The following HIVEP3 variants were observed in gnomAD, a reference collection of about 807,000 sequenced individuals.
HIVEP3 encodes transcription factor HIVEP3.
Under a neutral mutation model 152.8 loss-of-function variants are expected in HIVEP3, and 49 were observed. The ratio of observed to expected loss-of-function variants is 0.32; its 90% CI spans 0.26 to 0.41. HIVEP3 has a LOEUF of 0.41. Among genes scored for constraint, HIVEP3 ranks in the 10% least tolerant of loss-of-function variants. The pLI is 1.00. For synonymous variants in HIVEP3, 1,269 were observed against 1,289.0 expected (o/e 0.98, Z 0.33); for missense variants, 2,790 against 3,103.3 (o/e 0.90, Z 2.40).
Position 41,582,718 on chromosome 1 carries a change from G to A in HIVEP3, c.2080C>T (p.Pro694Ser). The change falls in exon 4 of 9, where the codon CCG (proline) becomes TCG (serine). Residue 694 changes from proline (P) to serine (S), a missense_variant. By Grantham distance (74) the Pro-to-Ser change is moderately conservative. Coordinates refer to ENST00000372583, the MANE Select transcript of HIVEP3 (RefSeq NM_024503.5). The surrounding 1 kb of genome is among the most constrained non-coding windows in gnomAD (Gnocchi z 4.7). The stretch of plus-strand genomic sequence containing the variant: ...TTGTAATGCATCATTTGGGACCACG[G>A]CTCATGCTCAATCTGACTCTTTTCA... ...EAEKSQIEHE[P>S]WSQMMHYKLG... is the part of the protein sequence containing the mutation. 5 of 1,614,180 alleles carry A rather than the reference G, an allele frequency of 3.1e-6. No homozygotes were observed. The highest frequency in any genetic ancestry group is 4.2e-6 in the Non-Finnish European group (5 of 1,180,022).
Position 41,513,204 on chromosome 1 carries a change from G to A in HIVEP3, c.6017C>T (p.Ser2006Leu), listed in dbSNP as rs1383981325. ...GTGCAGGCCAGGTGGGCTTGGGGCT[G>A]AGGCCTGTGGTTCTCGGGCCGGGGA... ...RCSPAREPQA[S>L]APSPPGLHVD... is the part of the protein sequence containing the mutation. The change falls in exon 8 of 9, where the codon TCA becomes TTA. Residue 2006 changes from serine (S) to leucine (L), a missense_variant. Ser to Leu is a moderately radical substitution (Grantham distance 145, BLOSUM62 -2). Coordinates refer to ENST00000372583, the MANE Select transcript of HIVEP3 (RefSeq NM_024503.5). The A allele has an allele frequency of 1.9e-6, 3 of 1,613,682 alleles. No individual in the cohort carries two copies. The African/African-American group carries it at 4.0e-5, about 22-fold the overall frequency.
intron 1 of HIVEP3, among the ~76,000 whole-genome samples, chr1:41,788,238 T>A (rs1391867604): frequency 6.6e-6 from 1 of 152,090 alleles, no homozygotes; most frequent in African/African-American, 2.4e-5. Flanking sequence ...TGCCTCAGTG[T>A]GAGGCAGTGC....
At chr1:41,922,278 T>C (rs2124475687), upstream of HIVEP3, among the ~76,000 whole-genome samples, 1 of 152,340 alleles carries the variant, frequency 6.6e-6, no homozygotes, top group South Asian at 2.1e-4. Flanking sequence ...ATCAGACTAA[T>C]ACCATACTTC....
chr1:41,617,960 G>A (rs1644992800), intron 3 of HIVEP3, among the ~76,000 whole-genome samples: 1 of 152,166 alleles, frequency 6.6e-6, no homozygotes, highest in Non-Finnish European at 1.5e-5. Context: ...TGGGTGTGTG[G>A]CAGCATTTCC....
chr1:41,700,891 C>A, intron 2 of HIVEP3, 25 bp downstream of exon 2: 6 of 960,544 alleles, frequency 6.2e-6, no homozygotes, highest in Non-Finnish European at 7.4e-6. Flanking sequence ...TGCCCTGTGT[C>A]CTGTGGGGGA....
chr1:41,877,281 TCCAATAGGGCCAGTCC>T (rs1193911562), intron 1 of HIVEP3, among the ~76,000 whole-genome samples: 3 of 152,132 alleles, frequency 2.0e-5, no homozygotes, highest in Non-Finnish European at 4.4e-5. Context: ...AGAACACATG[TCCAATAGGGCCAGTCC>T]CCACTCAGGC....
Position 41,997,695 on chromosome 1 carries a change from CAG to C in HIVEP3, n.119+38110_119+38111del, listed in dbSNP as rs762498909. Among the ~76,000 whole-genome samples, 5 of 152,232 alleles carry C rather than the reference CAG, an allele frequency of 3.3e-5. No homozygotes were observed. In the East Asian group the frequency reaches 9.6e-4, roughly 29 times the overall value. On this transcript the variant is annotated intron_variant and non_coding_transcript_variant, in intron 1 of 3. Transcript: ENST00000489103. ...CACCATATAACATGAAGAAAGAAAA[CAG>C]AGAAGATGTGAAAATTACATCCAAC... is the stretch of plus-strand genomic sequence containing the variant.
At chr1:41,619,410 T>C (rs939436957) in intron 3 of HIVEP3, among the ~76,000 whole-genome samples, 1 of 152,372 alleles carries the variant, frequency 6.6e-6, no homozygotes, top group Non-Finnish European at 1.5e-5. Context: ...CATACACTTA[T>C]GTTTTTAAGA....
chr1:41,643,628 T>C (rs1645411436), intron 2 of HIVEP3, among the ~76,000 whole-genome samples: 1 of 152,314 alleles, frequency 6.6e-6, no homozygotes, highest in South Asian at 2.1e-4. Flanking sequence ...CCCAGGGCAC[T>C]TGACATCCCT....
rs1347780794 is a variant in HIVEP3 at position 41,512,938 on chromosome 1, C to T, written c.6283G>A (p.Gly2095Ser). The T allele has an allele frequency of 6.2e-7, 1 of 1,603,398 alleles. No homozygotes were observed. The highest frequency in any genetic ancestry group is 1.3e-5 in the African/African-American group (1 of 74,650). The change falls in exon 8 of 9, where the codon GGC becomes AGC. Residue 2095 changes from glycine (G) to serine (S), a missense_variant. Transcript: ENST00000372583. ...CCATGCTCCCCCGCTGAGGGGCTGC[C>T]CGGCCCAGCCAAGGCCCACTTCCCT... Reference protein sequence around the residue: ...PPGKWALAGPGSPSAGEHGPG... With the variant: ...PPGKWALAGPSSPSAGEHGPG...
intron 1 of HIVEP3, among the ~76,000 whole-genome samples, chr1:41,960,973 T>C (rs1645166449): frequency 6.6e-6 from 1 of 152,172 alleles, no homozygotes. Context: ...CCATGTCTCT[T>C]CCCCATGAAA....
chr1:41,677,132 C>T (rs1645969770), intron 2 of HIVEP3, among the ~76,000 whole-genome samples: 1 of 152,158 alleles, frequency 6.6e-6, no homozygotes, highest in Non-Finnish European at 1.5e-5. Context: ...TGCCTGAGCT[C>T]CACCACCTAC....
At chr1:41,605,353 T>C (rs1209714840) in intron 3 of HIVEP3, among the ~76,000 whole-genome samples, 1 of 146,588 alleles carries the variant, frequency 6.8e-6, no homozygotes, top group East Asian at 2.0e-4. Context: ...TACATAGATA[T>C]TACATACACA....
At chr1:41,562,321 T>G (rs1030115912) in intron 5 of HIVEP3, among the ~76,000 whole-genome samples, 1 of 152,166 alleles carries the variant, frequency 6.6e-6, no homozygotes, top group Non-Finnish European at 1.5e-5. Flanking sequence ...TTCAGGGAAG[T>G]GCCAATAGGC....
chr1:42,026,750 C>T (rs903639737), intron 1 of HIVEP3, among the ~76,000 whole-genome samples: 15 of 152,256 alleles, frequency 9.9e-5, no homozygotes, highest in African/African-American at 3.1e-4. Context: ...TTTACATAAC[C>T]ACTCTTCTTT....
chr1:41,728,088 G>A (rs1646784456), intron 1 of HIVEP3, among the ~76,000 whole-genome samples: 1 of 152,178 alleles, frequency 6.6e-6, no homozygotes, highest in Non-Finnish European at 1.5e-5. Context: ...CCTAGGCTTT[G>A]TCAGGCCTGG....
intron 5 of HIVEP3, among the ~76,000 whole-genome samples, chr1:41,551,123 A>T (rs1643889151): frequency 1.3e-5 from 2 of 152,196 alleles, no homozygotes; most frequent in African/African-American, 4.8e-5. Context: ...TTCTGCATCT[A>T]TTGAGATAAT....
intron 3 of HIVEP3, among the ~76,000 whole-genome samples, chr1:41,607,036 G>A (rs1468185556): frequency 6.6e-6 from 1 of 151,720 alleles, no homozygotes; most frequent in Non-Finnish European, 1.5e-5. Flanking sequence ...ATTGCTCAGT[G>A]TGGTCTTGAA....
intron 1 of HIVEP3, among the ~76,000 whole-genome samples, chr1:41,747,714 A>G (rs965455733): frequency 7.2e-5 from 11 of 152,324 alleles, no homozygotes; most frequent in Non-Finnish European, 1.3e-4. Context: ...CTATGTCACC[A>G]TCTTTAATAG....
Sources: allele counts gnomAD v4.1 joint callset (sites outside exome capture counted in the v4.1 genomes callset), GRCh38; gene constraint gnomAD v4.1.1; non-coding constraint Gnocchi (gnomAD v3.1); transcripts MANE v1.5; gene names NCBI Gene and HGNC (gene_info 2026-07-23, HGNC 2026-07-21).